Variants in ACAD11 observed in about 807,000 individuals in gnomAD.
ACAD11 encodes acyl-Coenzyme A dehydrogenase family, member 11.
A neutral mutation model predicts 102.2 loss-of-function variants in ACAD11; 83 were observed. The observed-to-expected ratio is 0.81, with a 90% CI of 0.68 to 0.97. The LOEUF (loss-of-function observed/expected upper bound fraction) is 0.97, where lower values mean the gene tolerates loss of function less well. ACAD11 is among the 50% of genes least tolerant of loss of function. The probability of loss-of-function intolerance (pLI) is 0.00; values close to 1 mark genes in which losing one functional copy is unlikely to be tolerated. For missense variants in ACAD11, 901 were observed against 951.7 expected (o/e 0.95, Z 0.70); for synonymous variants, 324 against 319.8 (o/e 1.01, Z -0.14).
At chr3:132,570,812 C>T (rs1475356719) in intron 17 of ACAD11, among the ~76,000 whole-genome samples, 2 of 152,170 alleles carry the variant, frequency 1.3e-5, no homozygotes, top group African/African-American at 2.4e-5. Context: ...ACCTCCAGCT[C>T]TATCCATGTT....
At chr3:132,629,043 T>C (rs994046944) in intron 7 of ACAD11, among the ~76,000 whole-genome samples, 2 of 152,224 alleles carry the variant, frequency 1.3e-5, no homozygotes, top group African/African-American at 4.8e-5. Context: ...TAAAACACTG[T>C]AATAAATAAA....
Position 132,642,045 on chromosome 3 carries a change from T to C in ACAD11, c.464A>G (p.Gln155Arg), listed in dbSNP as rs1230956717. The C allele has an allele frequency of 1.2e-6, 2 of 1,614,014 alleles. No individual in the cohort carries two copies. Among genetic ancestry groups the C allele is most frequent in the Admixed American group, 1.7e-5 (1 of 60,006 alleles). Residue 155 changes from glutamine to arginine, a missense_variant, in exon 4 of 20, where the codon CAG becomes CGG. By Grantham distance (43) the Gln-to-Arg change is conservative. Transcript: ENST00000264990. ...TGACTGTATATTCAAGGAATGTAACTGAGCCAATGTTTCTACCGTGGCCAC... is the reference window on the plus strand; with the variant it reads ...TGACTGTATATTCAAGGAATGTAACCGAGCCAATGTTTCTACCGTGGCCAC... Reference protein sequence around the residue: ...IYVATVETLAQLHSLNIQSLQ... With the variant: ...IYVATVETLARLHSLNIQSLQ...
At chr3:132,653,971 C>A (rs1576627484) in intron 1 of ACAD11, among the ~76,000 whole-genome samples, 1 of 152,186 alleles carries the variant, frequency 6.6e-6, no homozygotes, top group Non-Finnish European at 1.5e-5. Flanking sequence ...GACCTCAAGA[C>A]ATAACCAACT....
At chr3:132,631,127 C>G (rs1360839184) in intron 6 of ACAD11, among the ~76,000 whole-genome samples, 1 of 151,560 alleles carries the variant, frequency 6.6e-6, no homozygotes, top group Non-Finnish European at 1.5e-5. Flanking sequence ...ACGTTGTGCA[C>G]ATGTACCCTA....
chr3:132,649,926 A>G (rs1039146479), intron 1 of ACAD11: 10 of 152,212 alleles, frequency 6.6e-5, no homozygotes, highest in African/African-American at 2.2e-4. Context: ...TTTTATATTG[A>G]TGCCAACAGC....
At chr3:132,607,363 C>A (rs1031113267) in intron 11 of ACAD11, among the ~76,000 whole-genome samples, 2 of 152,040 alleles carry the variant, frequency 1.3e-5, no homozygotes, top group Non-Finnish European at 2.9e-5. Context: ...ATGCAAGGAA[C>A]CTAAGAACCT....
Position 132,656,081 on chromosome 3 carries a change from T to A in ACAD11, c.149+3522A>T, listed in dbSNP as rs147804534. Reference sequence around the variant, plus strand: ...CCATTCTGAATTTTATATTTATCATTCCCTTGAAGTTTATCTCTGTATATA... The same window carrying A: ...CCATTCTGAATTTTATATTTATCATACCCTTGAAGTTTATCTCTGTATATA... On this transcript the variant is annotated intron_variant, in intron 1 of 19. Coordinates refer to ENST00000264990, the MANE Select transcript of ACAD11 (RefSeq NM_032169.5). Among the ~76,000 whole-genome samples the A allele has an allele frequency of 1.4e-3, 209 of 152,364 alleles. 1 individual carries two copies. The highest frequency in any genetic ancestry group is 4.9e-3 in the African/African-American group (205 of 41,582).
rs183073035 is a variant in ACAD11, at chr3:132,582,239, A to G, written c.1622-2681T>C. 1.1e-3 allele frequency among the ~76,000 whole-genome samples: 164 copies of G among 152,060 alleles called. 1 individual carries two copies. Among genetic ancestry groups the G allele is most frequent in the African/African-American group, 3.8e-3 (156 of 41,554 alleles). On this transcript the variant is annotated intron_variant, in intron 13 of 19. Transcript: ENST00000264990. ...GTGAAATTGTCATTATTCAAATTGG[A>G]GAGCCAATGGATACTGTCTAAAATG...
chr3:132,581,353 G>C (rs950204925), intron 13 of ACAD11, among the ~76,000 whole-genome samples: 12 of 151,914 alleles, frequency 7.9e-5, no homozygotes, highest in African/African-American at 2.7e-4. Context: ...AAAAAATTAA[G>C]AATATACTCG....
intron 2 of ACAD11, among the ~76,000 whole-genome samples, chr3:132,643,604 T>C (rs1228729053): frequency 6.6e-6 from 1 of 151,758 alleles, no homozygotes; most frequent in Non-Finnish European, 1.5e-5. Context: ...CATCAGGAAG[T>C]AAAGCAGGGG....
Position 132,605,274 on chromosome 3 carries a change from TAG to T in ACAD11, c.1415-71_1415-70del, listed in dbSNP as rs552649301. The T allele has an allele frequency of 3.4e-4, 366 of 1,078,724 alleles. 1 individual carries two copies. In the East Asian group the frequency reaches 8.0e-3, roughly 24 times the overall value. 66.8% of individuals were successfully genotyped at this position (1,078,724 alleles called of 1,614,324 possible). ...TCAGTATGAAATCCACAACTTTATG[TAG>T]AGAGTATAGAAATGCATCTTTTTAA... On this transcript the variant is annotated intron_variant, in intron 11 of 19. Coordinates refer to ENST00000264990, the MANE Select transcript of ACAD11 (RefSeq NM_032169.5).
In ACAD11 at chr3:132,630,511, C is replaced by T. The variant is rs760127761; in HGVS notation, c.889G>A (p.Gly297Arg). The change falls in exon 7 of 20, where the codon GGA (glycine) becomes AGA (arginine). Residue 297 changes from glycine (G) to arginine (R), a missense_variant. Physicochemically the swap from Gly to Arg is moderately radical, Grantham distance 125. Transcript: ENST00000264990. ...CAGTTAGGAAGAATAGAATTAATTC[C>T]CCTGCAGCGGCAATATATTGAAATC... Reference protein sequence around the residue: ...ELISIYCRCRGINSILPNWNF... With the variant: ...ELISIYCRCRRINSILPNWNF... The T allele has an allele frequency of 6.2e-7, 1 of 1,612,318 alleles. No homozygotes were observed. Among genetic ancestry groups the T allele is most frequent in the Non-Finnish European group, 8.5e-7 (1 of 1,179,040 alleles).
intron 2 of ACAD11, 81 bp downstream of exon 2, chr3:132,644,716 T>C (rs538134986): frequency 3.4e-5 from 24 of 703,880 alleles, no homozygotes; most frequent in Non-Finnish European, 5.1e-5. Context: ...TAAGATGCCT[T>C]TTAAAAGTAA....
chr3:132,652,404 A>G (rs1386606572), intron 1 of ACAD11, among the ~76,000 whole-genome samples: 1 of 152,188 alleles, frequency 6.6e-6, no homozygotes, highest in African/African-American at 2.4e-5. Flanking sequence ...TGTCTTTATT[A>G]GCAATATGAG....
chr3:132,644,734 TTGTG>T (rs1940653497), intron 2 of ACAD11, 59 bp downstream of exon 2: 3 of 929,570 alleles, frequency 3.2e-6, no homozygotes, highest in Middle Eastern at 4.7e-4. Context: ...TAAATTGGCT[TTGTG>T]TGTATTAAAA....
In ACAD11 at chr3:132,605,122, T is replaced by C; in HGVS notation, c.1498A>G (p.Ile500Val). 1 of 1,613,178 alleles carries C rather than the reference T, an allele frequency of 6.2e-7. No individual in the cohort carries two copies. The highest frequency in any genetic ancestry group is 8.5e-7 in the Non-Finnish European group (1 of 1,179,312). The change falls in exon 12 of 20, where the codon ATT becomes GTT. Residue 500 changes from isoleucine to valine, a missense_variant. Physicochemically the swap from Ile to Val is conservative, Grantham distance 29 (BLOSUM62 3). Coordinates refer to ENST00000264990, the MANE Select transcript of ACAD11 (RefSeq NM_032169.5). Reference sequence around the variant, plus strand: ...CCTGTCATACAGAAGCAAGAGGTAATGTTCCCTTGAAGAAGAGGCTCAAGC... The same window carrying C: ...CCTGTCATACAGAAGCAAGAGGTAACGTTCCCTTGAAGAAGAGGCTCAAGC... ...QWLEPLLQGN[I>V]TSCFCMTEPD...
chr3:132,577,049 G>A, intron 15 of ACAD11, 34 bp from the exon 16 acceptor site: 6 of 1,312,802 alleles, frequency 4.6e-6, no homozygotes, highest in Non-Finnish European at 6.5e-6. Flanking sequence ...AGAGCAAAAG[G>A]AGTTGACTAA....
intron 12 of ACAD11, among the ~76,000 whole-genome samples, chr3:132,604,163 T>C (rs1404204375): frequency 6.6e-6 from 1 of 152,192 alleles, no homozygotes; most frequent in African/African-American, 2.4e-5. Context: ...GAGGTTTCAG[T>C]TATGAGGCCA....
intron 11 of ACAD11, among the ~76,000 whole-genome samples, chr3:132,608,810 C>G (rs1938977739): frequency 6.6e-6 from 1 of 152,164 alleles, no homozygotes; most frequent in African/African-American, 2.4e-5. Flanking sequence ...CATCTACAGA[C>G]TCTCCACCCC....
Sources: allele counts gnomAD v4.1 joint callset (sites outside exome capture counted in the v4.1 genomes callset), GRCh38; gene constraint gnomAD v4.1.1; transcripts MANE v1.5; gene names NCBI Gene and HGNC (gene_info 2026-07-23, HGNC 2026-07-21).